CDK11A: variants seen among roughly 807,000 people sequenced by gnomAD.
CDK11A encodes cyclin-dependent kinase 11A.
Under a neutral mutation model 83.6 loss-of-function variants are expected in CDK11A, and 55 were observed. The ratio of observed to expected loss-of-function variants is 0.66; its 90% confidence interval spans 0.53 to 0.82. The LOEUF (loss-of-function observed/expected upper bound fraction) is 0.82. CDK11A is among the 40% of genes least tolerant of loss of function. The probability of loss-of-function intolerance (pLI) is 0.00; values close to 1 mark genes in which losing one functional copy is unlikely to be tolerated. For missense variants in CDK11A, 564 were observed against 810.1 expected (o/e 0.70, Z 3.69); for synonymous variants, 247 against 302.7 (o/e 0.82, Z 1.91).
rs1359023901 is a variant in CDK11A at position 1,706,685 on chromosome 1, A to T, written c.1245+724T>A. ...TGCCAGGGCACCTACCCCTCGGTGT[A>T]CCTTGGGGCCGGTGCCCAGGCCGGA... On this transcript the variant is annotated intron_variant, in intron 11 of 19. Coordinates refer to ENST00000404249, the MANE Select transcript of CDK11A (RefSeq NM_024011.4). Among the ~76,000 whole-genome samples the T allele has an allele frequency of 3.3e-5, 5 of 151,286 alleles. 1 individual carries two copies. Among genetic ancestry groups the T allele is most frequent in the African/African-American group, 1.2e-4 (5 of 41,184 alleles).
At chr1:1,721,431 A>C (rs1644902556) in intron 3 of CDK11A, among the ~76,000 whole-genome samples, 165 bp downstream of exon 3, 1 of 150,892 alleles carries the variant, frequency 6.6e-6, no homozygotes, top group South Asian at 2.1e-4. Flanking sequence ...AGGAAAGAGT[A>C]ATCTCAGTAG....
In CDK11A at chr1:1,706,060, T is replaced by G. The variant is rs200592058; in HGVS notation, c.1246-328A>C. ...GAGTTCAAGACCAGCCTGGCCAACA[T>G]AGCAACACTCTGTTTTCTTTTTTTC... is the stretch of plus-strand genomic sequence containing the variant. On this transcript the variant is annotated intron_variant, in intron 11 of 19. Transcript: ENST00000404249. Among the ~76,000 whole-genome samples, 47 of 126,912 alleles carry G rather than the reference T, an allele frequency of 3.7e-4. 2 individuals carry two copies. The East Asian group carries it at 9.0e-3, about 24-fold the overall frequency. The allele number at this position is 126,912 out of a possible 152,430, so 83.3% of individuals were successfully genotyped here.
In CDK11A at chr1:1,704,250, C is replaced by T. The variant is rs1468406113; in HGVS notation, c.1659G>A (p.Leu553=). ...TGAGGATGCCGGCGTGGCTCAGCAG[C>T]AGGTTGGACGTCTTGAGGTCACGGT... The part of the protein sequence containing the change: ...ILHRDLKTSN[L]LLSHAGILKV... The change falls in exon 15 of 20, where the codon CTG becomes CTA. Residue 553 remains leucine, a synonymous_variant. Transcript: ENST00000404249. 13 of 1,608,444 alleles carry T rather than the reference C, an allele frequency of 8.1e-6. 1 individual carries two copies. Among genetic ancestry groups the T allele is most frequent in the Non-Finnish European group, 1.1e-5 (13 of 1,176,762 alleles).
chr1:1,716,420 T>C lies in CDK11A; in HGVS notation c.414A>G (p.Glu138=), dbSNP rs772669213. The change falls in exon 5 of 20, where the codon GAA becomes GAG. Residue 138 remains glutamate (E), a synonymous_variant. Transcript: ENST00000404249. ...CCCATTCCCGGCGAGCTTTATCCTG[T>C]TCTTCTCGATGTCGTTTCCGACGTT... is the stretch of plus-strand genomic sequence containing the variant. The part of the protein sequence containing the change: ...EHERRKRHRE[E]QDKARREWER... The C allele has an allele frequency of 1.9e-6, 3 of 1,608,682 alleles. No individual in the cohort carries two copies. In the South Asian group the frequency reaches 3.3e-5, roughly 18 times the overall value.
rs553254481 is a variant in CDK11A at position 1,724,289 on chromosome 1, G to A, written c.-45C>T. The stretch of plus-strand genomic sequence containing the variant: ...GGGGCCGCGGCCGGTCCCTGAGCCT[G>A]AGAAGAAACAGCAACCGGCGCTCGC... On this transcript the variant is annotated 5_prime_UTR_variant, in exon 1 of 20. Coordinates refer to ENST00000404249, the MANE Select transcript of CDK11A (RefSeq NM_024011.4). 2.2e-4 allele frequency: 33 copies of A among 151,804 alleles called. 1 individual carries two copies. Among genetic ancestry groups the A allele is most frequent in the African/African-American group, 7.7e-4 (32 of 41,440 alleles). 9.4% of individuals were successfully genotyped at this position (151,804 alleles called of 1,614,324 possible).
intron 4 of CDK11A, among the ~76,000 whole-genome samples, chr1:1,716,723 T>C (rs1240048153): frequency 7.0e-6 from 1 of 142,468 alleles, no homozygotes; most frequent in South Asian, 2.2e-4. Flanking sequence ...GCTGAGGCTG[T>C]AGAATCACTT....
intron 4 of CDK11A, among the ~76,000 whole-genome samples, chr1:1,718,195 G>C (rs892658287): frequency 1.4e-5 from 2 of 142,834 alleles, no homozygotes; most frequent in African/African-American, 5.2e-5. Flanking sequence ...CATGCTTTCA[G>C]CTAGGGTATT....
chr1:1,703,746 A>C, intron 17 of CDK11A, 78 bp downstream of exon 17: 4 of 1,572,984 alleles, frequency 2.5e-6, no homozygotes, highest in Non-Finnish European at 3.5e-6. Context: ...ATCTCAACCC[A>C]GCACCTGTGC....
chr1:1,704,406 G>C (rs945229825), intron 14 of CDK11A, 62 bp from the exon 15 acceptor site: 3 of 1,592,396 alleles, frequency 1.9e-6, no homozygotes, highest in Middle Eastern at 1.8e-4. Flanking sequence ...ACTCAGGGTG[G>C]CCCGCTCGCC....
At chr1:1,717,950 GC>G (rs1644739373) in intron 4 of CDK11A, among the ~76,000 whole-genome samples, 2 of 149,582 alleles carry the variant, frequency 1.3e-5, no homozygotes, top group Non-Finnish European at 3.0e-5. Flanking sequence ...TCTCTCTATA[GC>G]CCTTCTGAAT....
rs1331517082 is a variant in CDK11A, at chr1:1,716,362, G to C, written c.472C>G (p.His158Asp). The change falls in exon 5 of 20, where the codon CAT becomes GAT. Residue 158 changes from histidine (H) to aspartate (D), a missense_variant. His to Asp is a moderately conservative substitution (Grantham distance 81, BLOSUM62 -1). Around this residue, in one of 5 missense-constraint regions of CDK11A, gnomAD observed 151 missense variants for 147.4 expected, o/e 1.02. Transcript: ENST00000404249. ...CCCACTCACCTTTCTCTCCTGGAAT[G>C]CTCCCTTGCCATTTCCCTTCTCTTC... is the stretch of plus-strand genomic sequence containing the variant. ...RQKRREMARE[H>D]SRRERDRLEQ... 6.2e-7 allele frequency: 1 copy of C among 1,608,814 alleles called. No individual in the cohort carries two copies. The highest frequency in any genetic ancestry group is 8.5e-7 in the Non-Finnish European group (1 of 1,176,620).
chr1:1,722,000 A>G (rs1381415531), intron 2 of CDK11A: 11 of 280,938 alleles, frequency 3.9e-5, no homozygotes, highest in Non-Finnish European at 6.2e-5. Context: ...AAATACAAAA[A>G]ATTAGCTTGG....
intron 4 of CDK11A, among the ~76,000 whole-genome samples, chr1:1,717,615 AGAGTTTG>A (rs1557796514): frequency 1.1e-4 from 5 of 44,108 alleles, no homozygotes; most frequent in Non-Finnish European, 3.7e-4. Flanking sequence ...GCTTTCAGCT[AGAGTTTG>A]CTCTCTCTGG....
chr1:1,719,241 A>C (rs1644803210), intron 4 of CDK11A, 87 bp downstream of exon 4: 4 of 1,227,050 alleles, frequency 3.3e-6, no homozygotes, highest in Non-Finnish European at 4.4e-6. Context: ...CTGGTTTTTC[A>C]GTGGTGCTCT....
intron 3 of CDK11A, among the ~76,000 whole-genome samples, chr1:1,719,658 C>T (rs1306076965): frequency 2.2e-5 from 3 of 138,730 alleles, no homozygotes; most frequent in African/African-American, 7.9e-5. Context: ...CTCTGTCACC[C>T]AGGCTGGAGT....
At position 1,703,609 on chromosome 1, in the gene CDK11A, T is replaced by G. The variant is rs1294323462; in HGVS notation, c.1927A>C (p.Ser643Arg). 3.1e-6 allele frequency: 5 copies of G among 1,597,484 alleles called. No individual in the cohort carries two copies. Among genetic ancestry groups the G allele is most frequent in the Admixed American group, 3.4e-5 (2 of 58,380 alleles). Residue 643 changes from serine to arginine, a missense_variant, in exon 18 of 20, where the codon AGT becomes CGT. Ser to Arg is a moderately radical substitution (Grantham distance 110). Transcript: ENST00000404249. ...NKVFKELGTP[S>R]EKIWPGYSEL... The stretch of plus-strand genomic sequence containing the variant: ...CTGTAGCCGGGCCAGATTTTCTCAC[T>G]GGGGGTCCCCAGCTCCTGAAAGACA...
chr1:1,708,355 T>C lies in CDK11A; in HGVS notation c.1004-110A>G, dbSNP rs980056343. On this transcript the variant is annotated intron_variant, in intron 9 of 19. Transcript: ENST00000404249. Reference sequence around the variant, plus strand: ...CAACAAGTGTTCCCAAGAATGGATATGGAGGCTGGGCGCGGTGGCTCACGC... The same window carrying C: ...CAACAAGTGTTCCCAAGAATGGATACGGAGGCTGGGCGCGGTGGCTCACGC... 4.8e-6 allele frequency: 7 copies of C among 1,460,694 alleles called. 1 individual carries two copies. The African/African-American group carries it at 9.6e-5, about 20-fold the overall frequency. 90.5% of individuals were successfully genotyped at this position (1,460,694 alleles called of 1,614,324 possible). A position where few individuals can be genotyped will look rare whatever the true frequency, so the allele number is the denominator to read the frequency against.
At chr1:1,717,883 G>C (rs1406082725) in intron 4 of CDK11A, among the ~76,000 whole-genome samples, 1 of 150,128 alleles carries the variant, frequency 6.7e-6, no homozygotes, top group Non-Finnish European at 1.5e-5. Context: ...CTTTCAGCTA[G>C]AGTTTGCTCT....
At position 1,716,814 on chromosome 1, in the gene CDK11A, CAAAAAAAAAAAAAAAAAAAAAA is replaced by C. The variant is rs1168780288; in HGVS notation, c.356-358_356-337del. ...TGGGCGAAAAAGTGAGACTCCATCT[CAAAAAAAAAAAAAAAAAAAAAA>C]AAAAAAAAAAAAAAAATCACATGAA... is the stretch of plus-strand genomic sequence containing the variant. On this transcript the variant is annotated intron_variant, in intron 4 of 19. Coordinates refer to ENST00000404249, the MANE Select transcript of CDK11A (RefSeq NM_024011.4). 1.3e-3 allele frequency among the ~76,000 whole-genome samples: 100 copies of C among 76,680 alleles called. 2 individuals carry two copies. Among genetic ancestry groups the C allele is most frequent in the African/African-American group, 5.4e-3 (92 of 16,912 alleles). The allele number at this position is 76,680 out of a possible 152,430, so 50.3% of individuals were successfully genotyped here.
Sources: allele counts gnomAD v4.1 joint callset (sites outside exome capture counted in the v4.1 genomes callset), GRCh38; gene constraint gnomAD v4.1.1; regional missense constraint gnomAD v4.1.1; transcripts MANE v1.5; gene names NCBI Gene and HGNC (gene_info 2026-07-23, HGNC 2026-07-21).